The following GAS7 variants were observed in gnomAD, a reference collection of about 807,000 sequenced individuals.
GAS7 encodes growth arrest-specific protein 7.
In GAS7, 28 loss-of-function variants were observed where a neutral mutation model predicts 71.1. That is an observed-to-expected ratio of 0.39 (90% CI 0.29 to 0.54). The LOEUF (loss-of-function observed/expected upper bound fraction) is 0.54. GAS7 is among the 20% of genes least tolerant of loss of function. The pLI, the probability that GAS7 is intolerant of heterozygous loss-of-function variation, is 0.62. For missense variants in GAS7, 436 were observed against 627.8 expected (o/e 0.69, Z 3.27); for synonymous variants, 258 against 245.8 (o/e 1.05, Z -0.46).
At chr17:10,111,230 G>A (rs1026914720) in intron 1 of GAS7, among the ~76,000 whole-genome samples, 6 of 152,170 alleles carry the variant, frequency 3.9e-5, no homozygotes, top group South Asian at 2.1e-4. Flanking sequence ...GTGAAACCCC[G>A]TCTCTACTAA....
At chr17:9,993,117 C>G (rs1430099959) in intron 2 of GAS7, among the ~76,000 whole-genome samples, 1 of 151,728 alleles carries the variant, frequency 6.6e-6, no homozygotes, top group African/African-American at 2.4e-5. Context: ...TGGGTATATA[C>G]CCAGTAATGG....
chr17:10,066,242 A>G (rs1208467376), intron 1 of GAS7, among the ~76,000 whole-genome samples: 1 of 152,180 alleles, frequency 6.6e-6, no homozygotes, highest in Non-Finnish European at 1.5e-5. Context: ...GTGCAATGGC[A>G]TGATCTCGGC....
At chr17:9,992,464 G>A (rs951918223) in intron 2 of GAS7, among the ~76,000 whole-genome samples, 6 of 152,088 alleles carry the variant, frequency 3.9e-5, no homozygotes, top group South Asian at 2.1e-4. Context: ...AGGGAAGCCC[G>A]GAGGGAAAAG....
At chr17:10,049,782 A>G (rs577868930) in intron 1 of GAS7, among the ~76,000 whole-genome samples, 11,594 of 151,478 alleles carry the variant, frequency 0.077, 1,053 homozygotes, top group African/African-American at 0.22. Context: ...CACCACGCCC[A>G]GCTAATTTTT....
chr17:9,981,835 A>G lies in GAS7; in HGVS notation c.354T>C (p.Pro118=). 1 of 1,606,810 alleles carries G rather than the reference A, an allele frequency of 6.2e-7. No individual in the cohort carries two copies. Among genetic ancestry groups the G allele is most frequent in the Non-Finnish European group, 8.5e-7 (1 of 1,173,254 alleles). ...PSSSPGIPAS[P]GSHRSSLPPT... ...GAGGCAGAGAGCTCCTGTGAGAGCC[A>G]GGGCTGGCTGGAATCCCAGGAGAAC... The change falls in exon 3 of 14, where the codon CCT becomes CCC. Residue 118 remains proline (P), a synonymous_variant. Coordinates refer to ENST00000432992, the MANE Select transcript of GAS7 (RefSeq NM_201433.2). This position sits in a 1 kb window ranked among gnomAD's most constrained non-coding sequence, Gnocchi z 4.4.
rs80012457 is a variant in GAS7 at position 9,959,711 on chromosome 17, C to A, written c.472-456G>T. ...ACCCCCCGGGTCCAAAACGTCAAAC[C>A]TAAATACACACAATGTGCACTGGGG... On this transcript the variant is annotated intron_variant, in intron 4 of 13. Coordinates refer to ENST00000432992, the MANE Select transcript of GAS7 (RefSeq NM_201433.2). This position sits in a 1 kb window ranked among gnomAD's most constrained non-coding sequence, Gnocchi z 5.0. 7.2e-3 allele frequency among the ~76,000 whole-genome samples: 1,095 copies of A among 152,272 alleles called. 22 individuals are homozygous for A. The highest frequency in any genetic ancestry group is 0.068 in the East Asian group (352 of 5,170).
chr17:10,070,512 C>T (rs537374412), intron 1 of GAS7, among the ~76,000 whole-genome samples: 190 of 152,020 alleles, frequency 1.2e-3, no homozygotes, highest in African/African-American at 4.1e-3. Flanking sequence ...TAAAGGCCTG[C>T]GCCACCATGC....
intron 4 of GAS7, among the ~76,000 whole-genome samples, chr17:9,966,604 G>A (rs1480064150): frequency 6.6e-6 from 1 of 152,184 alleles, no homozygotes; most frequent in East Asian, 1.9e-4. Flanking sequence ...TGTTGGTAGA[G>A]CTCTCTGTAA....
intron 1 of GAS7, among the ~76,000 whole-genome samples, chr17:10,100,161 T>C (rs74774843): frequency 0.016 from 2,367 of 152,286 alleles, 56 homozygotes; most frequent in African/African-American, 0.054. Flanking sequence ...AACTGAACAA[T>C]TGATACACGG....
At chr17:9,967,817 A>G (rs1268214732) in intron 4 of GAS7, among the ~76,000 whole-genome samples, 1 of 152,220 alleles carries the variant, frequency 6.6e-6, no homozygotes, top group Non-Finnish European at 1.5e-5. Context: ...AGCCTTGCAC[A>G]TAAATCAGAA....
At chr17:10,065,022 A>G (rs2152244307) in intron 1 of GAS7, among the ~76,000 whole-genome samples, 1 of 152,156 alleles carries the variant, frequency 6.6e-6, no homozygotes, top group Non-Finnish European at 1.5e-5. Flanking sequence ...GGGTCTCACT[A>G]CGTTGCTGAG....
chr17:10,174,667 G>A (rs2074359771), intron 1 of GAS7, among the ~76,000 whole-genome samples: 1 of 151,854 alleles, frequency 6.6e-6, no homozygotes, highest in African/African-American at 2.4e-5. Flanking sequence ...ACTCCAGCCT[G>A]GGCGGCAGAG....
At chr17:10,079,105 C>T (rs965286283) in intron 1 of GAS7, among the ~76,000 whole-genome samples, 2 of 152,306 alleles carry the variant, frequency 1.3e-5, no homozygotes, top group Non-Finnish European at 1.5e-5. Flanking sequence ...CACCACTGGA[C>T]TCCTGGCTGG....
At chr17:9,978,944 C>T (rs764116570) in intron 3 of GAS7, among the ~76,000 whole-genome samples, 2 of 152,110 alleles carry the variant, frequency 1.3e-5, no homozygotes, top group African/African-American at 2.4e-5. Flanking sequence ...TGAAGACTTG[C>T]CTGTGCATTG....
intron 5 of GAS7, chr17:9,958,922 T>C: frequency 1.5e-6 from 2 of 1,341,100 alleles, no homozygotes; most frequent in Non-Finnish European, 9.6e-7. Flanking sequence ...CCCGCACGCA[T>C]ACCTTCCCCT....
At chr17:10,101,184 C>T (rs1294744165) in intron 1 of GAS7, among the ~76,000 whole-genome samples, 1 of 152,134 alleles carries the variant, frequency 6.6e-6, no homozygotes, top group Non-Finnish European at 1.5e-5. Context: ...TCCCAGACCC[C>T]GAGCCTTACC....
At chr17:9,922,399 G>A (rs1052414073) in intron 11 of GAS7, among the ~76,000 whole-genome samples, 8 of 152,322 alleles carry the variant, frequency 5.3e-5, no homozygotes, top group African/African-American at 1.7e-4. Context: ...TGGCTTCGCC[G>A]CTCCACCACT....
chr17:10,033,607 AGCT>A (rs2072676251), intron 1 of GAS7, among the ~76,000 whole-genome samples: 1 of 152,230 alleles, frequency 6.6e-6, no homozygotes, highest in Non-Finnish European at 1.5e-5. Flanking sequence ...CAAGCGACAC[AGCT>A]GCTGCCCGCA....
At position 9,956,395 on chromosome 17, in the gene GAS7, G is replaced by A. The variant is rs114915728; in HGVS notation, c.525+2807C>T. ...ACCCCGGGTTCTGTGGCTACGCTGG[G>A]AAGCCCTGAAGCTGAGGACCACAGG... On this transcript the variant is annotated intron_variant, in intron 5 of 13. Transcript: ENST00000432992. Among the ~76,000 whole-genome samples, 1,269 of 152,262 alleles carry A rather than the reference G, an allele frequency of 8.3e-3. 24 individuals are homozygous for A. The highest frequency in any genetic ancestry group is 0.029 in the African/African-American group (1,208 of 41,558).
Sources: gnomAD v4.1 joint callset for allele counts (sites outside exome capture counted in the v4.1 genomes callset) on GRCh38, gnomAD v4.1.1 for gene constraint, Gnocchi (gnomAD v3.1) non-coding constraint, MANE v1.5 for transcripts, NCBI Gene and HGNC (gene_info 2026-07-23, HGNC 2026-07-21) for gene names.